Variants in MEGF8 observed in about 807,000 individuals in gnomAD.
MEGF8 encodes multiple EGF like domains 8.
In MEGF8, 156 loss-of-function variants were observed where a neutral mutation model predicts 302.9. The ratio of observed to expected loss-of-function variants is 0.52; its 90% confidence interval spans 0.45 to 0.59. The LOEUF (loss-of-function observed/expected upper bound fraction) is 0.59, where lower values mean the gene tolerates loss of function less well. MEGF8 is among the 20% of genes least tolerant of loss of function. The pLI, the probability that MEGF8 is intolerant of heterozygous loss-of-function variation, is 0.00. For missense variants in MEGF8, 3,345 were observed against 3,964.5 expected (o/e 0.84, Z 4.20); for synonymous variants, 1,621 against 1,660.5 (o/e 0.98, Z 0.58).
chr19:42,355,537 G>C (rs550476437), intron 23 of MEGF8, among the ~76,000 whole-genome samples: 9 of 152,248 alleles, frequency 5.9e-5, no homozygotes, highest in African/African-American at 2.2e-4. Context: ...TTGGATAGCA[G>C]CTCAGGAGGT....
chr19:42,326,368 G>A lies in MEGF8; in HGVS notation c.125G>A (p.Gly42Asp). 1 of 1,588,944 alleles carries A rather than the reference G, an allele frequency of 6.3e-7. No homozygotes were observed. The highest frequency in any genetic ancestry group is 8.5e-7 in the Non-Finnish European group (1 of 1,170,284). Residue 42 changes from glycine to aspartate, a missense_variant, in exon 1 of 42, where the codon GGC (glycine) becomes GAC (aspartate). Coordinates refer to ENST00000251268, the MANE Select transcript of MEGF8 (RefSeq NM_001271938.2). The stretch of plus-strand genomic sequence containing the variant: ...CGGCAGGTGCTGCGGGAGGCGCCAG[G>A]CTTCGTGACGGATGGTGCGGGCAAC... ...GQRQVLREAP[G>D]FVTDGAGNYS...
Position 42,358,994 on chromosome 19 carries a change from G to C in MEGF8, c.5343+40G>C, listed in dbSNP as rs375016344. The C allele has an allele frequency of 2.0e-4, 320 of 1,590,312 alleles. 1 individual carries two copies. Among genetic ancestry groups the C allele is most frequent in the Middle Eastern group, 5.2e-4 (3 of 5,738 alleles). ...GGGTTAGGATTGGGTGGGCTGGTAGGGGGGGATAGGTAGGGAAGTACAGGG... is the reference window on the plus strand; with the variant it reads ...GGGTTAGGATTGGGTGGGCTGGTAGCGGGGGATAGGTAGGGAAGTACAGGG... On this transcript the variant is annotated intron_variant, in intron 30 of 41. Transcript: ENST00000251268. This position sits in a 1 kb window ranked among gnomAD's most constrained non-coding sequence, Gnocchi z 4.4.
chr19:42,373,890 A>C (rs1412394518), intron 41 of MEGF8, among the ~76,000 whole-genome samples: 1 of 151,742 alleles, frequency 6.6e-6, no homozygotes, highest in African/African-American at 2.4e-5. Flanking sequence ...TTTTAAAAAA[A>C]TTTTAAAGAC....
chr19:42,375,511 C>A lies in MEGF8; in HGVS notation c.7274C>A (p.Ala2425Asp). ...CGCCTCTAACCCTGCCCGCAGTGCG[C>A]CAAGTGCCGGGAATCATTTCACGGG... ...DRRDCYKYQC[A>D]KCRESFHGSP... Residue 2425 changes from alanine (A) to aspartate (D), a missense_variant, in exon 42 of 42, where the codon GCC becomes GAC. Transcript: ENST00000251268. The surrounding 1 kb of genome is among the most constrained non-coding windows in gnomAD (Gnocchi z 7.1). 1 of 1,579,992 alleles carries A rather than the reference C, an allele frequency of 6.3e-7. No homozygotes were observed. Among genetic ancestry groups the A allele is most frequent in the Admixed American group, 1.8e-5 (1 of 54,936 alleles).
At position 42,356,452 on chromosome 19, in the gene MEGF8, A is replaced by G; in HGVS notation, c.4621A>G (p.Arg1541Gly). Residue 1541 changes from arginine (R) to glycine (G), a missense_variant and splice_region_variant, in exon 26 of 42, where the codon AGG (arginine) becomes GGG (glycine). By Grantham distance (125) the Arg-to-Gly change is moderately radical. Coordinates refer to ENST00000251268, the MANE Select transcript of MEGF8 (RefSeq NM_001271938.2). This position sits in a 1 kb window ranked among gnomAD's most constrained non-coding sequence, Gnocchi z 5.2. Reference protein sequence around the residue: ...LPQGLLGNLYRYSVSERRWTQ... With the variant: ...LPQGLLGNLYGYSVSERRWTQ... ...CCAGGGGCTGCTGGGAAACCTGTAC[A>G]GGTGAGGACTGCCCTGGGCAGGTGG... is the stretch of plus-strand genomic sequence containing the variant. 1 of 1,592,212 alleles carries G rather than the reference A, an allele frequency of 6.3e-7. No homozygotes were observed. The highest frequency in any genetic ancestry group is 8.5e-7 in the Non-Finnish European group (1 of 1,170,788).
At position 42,358,804 on chromosome 19, in the gene MEGF8, T is replaced by C. The variant is rs2147489885; in HGVS notation, c.5193T>C (p.Asn1731=). 1.3e-6 allele frequency: 2 copies of C among 1,570,372 alleles called. No homozygotes were observed. Among genetic ancestry groups the C allele is most frequent in the East Asian group, 4.5e-5 (2 of 44,364 alleles). The change falls in exon 30 of 42, where the codon AAT becomes AAC. Residue 1731 remains asparagine (N), a synonymous_variant. Coordinates refer to ENST00000251268, the MANE Select transcript of MEGF8 (RefSeq NM_001271938.2). The surrounding 1 kb of genome is among the most constrained non-coding windows in gnomAD (Gnocchi z 4.4). ...GTCACTAGCGAGATCGTATGAGGAATGTGCGTGGCTCATCTCGGGGTCTGG... is the reference window on the plus strand; with the variant it reads ...GTCACTAGCGAGATCGTATGAGGAACGTGCGTGGCTCATCTCGGGGTCTGG... ...SQGAKRDRMR[N]VRGSSRGLGQ... is the part of the protein sequence containing the mutation.
intron 8 of MEGF8, among the ~76,000 whole-genome samples, 184 bp from the exon 9 acceptor site, chr19:42,343,293 G>A (rs2039240389): frequency 6.6e-6 from 1 of 152,154 alleles, no homozygotes; most frequent in Admixed American, 6.5e-5. Flanking sequence ...AAGATGATTT[G>A]GGTAGGGGCG....
intron 1 of MEGF8, among the ~76,000 whole-genome samples, chr19:42,330,150 C>A (rs1220783311): frequency 6.6e-6 from 1 of 152,132 alleles, no homozygotes; most frequent in Non-Finnish European, 1.5e-5. Flanking sequence ...TCTATGTTGG[C>A]CAGGCTGGTC....
At position 42,362,953 on chromosome 19, in the gene MEGF8, G is replaced by A. The variant is rs2039554314; in HGVS notation, c.6059-95G>A. On this transcript the variant is annotated intron_variant, in intron 34 of 41. Coordinates refer to ENST00000251268, the MANE Select transcript of MEGF8 (RefSeq NM_001271938.2). ...GGGCTGGATTCCTGGGTTAAGGGAG[G>A]AGGGGCTGGGCCTGAGCTCCTGGGT... 4.4e-5 allele frequency: 47 copies of A among 1,058,998 alleles called. 1 individual carries two copies. The South Asian group carries it at 6.6e-4, about 15-fold the overall frequency. 65.6% of individuals were successfully genotyped at this position (1,058,998 alleles called of 1,614,324 possible). A position where few individuals can be genotyped will look rare whatever the true frequency, so the allele number is the denominator to read the frequency against.
At position 42,350,380 on chromosome 19, in the gene MEGF8, C is replaced by T. The variant is rs2039351015; in HGVS notation, c.2732C>T (p.Thr911Ile). The stretch of plus-strand genomic sequence containing the variant: ...GAGCATCGGGACTGCCACGCCTGCA[C>T]CCAGGTGCCTGTGGGGCCACCAGGG... Reference protein sequence around the residue: ...CEEHRDCHACTQDPFCEWHQS... With the variant: ...CEEHRDCHACIQDPFCEWHQS... Residue 911 changes from threonine (T) to isoleucine (I), a missense_variant, in exon 15 of 42, where the codon ACC becomes ATC. By Grantham distance (89) the Thr-to-Ile change is moderately conservative. Coordinates refer to ENST00000251268, the MANE Select transcript of MEGF8 (RefSeq NM_001271938.2). 2 of 1,537,360 alleles carry T rather than the reference C, an allele frequency of 1.3e-6. No homozygotes were observed. Among genetic ancestry groups the T allele is most frequent in the Non-Finnish European group, 1.8e-6 (2 of 1,142,640 alleles).
At position 42,356,495 on chromosome 19, in the gene MEGF8, A is replaced by C. The variant is rs757735429; in HGVS notation, c.4622+42A>C. 12 of 1,466,202 alleles carry C rather than the reference A, an allele frequency of 8.2e-6. No homozygotes were observed. The Admixed American group carries it at 2.6e-4, about 32-fold the overall frequency. The allele number at this position is 1,466,202 out of a possible 1,614,324, so 90.8% of individuals were successfully genotyped here. On this transcript the variant is annotated intron_variant, in intron 26 of 41. Transcript: ENST00000251268. This position sits in a 1 kb window ranked among gnomAD's most constrained non-coding sequence, Gnocchi z 5.2. ...GCAGGTGGGATTCGCAAATAAGAGA[A>C]GGTCACCTCGGGATGCTAAGAGTCA...
intron 32 of MEGF8, among the ~76,000 whole-genome samples, chr19:42,361,350 G>T (rs1483652981): frequency 6.6e-6 from 1 of 152,208 alleles, no homozygotes; most frequent in Non-Finnish European, 1.5e-5. Context: ...GCTCTGTCCA[G>T]CTCCACAGAT....
rs2039468849 is a variant in MEGF8, at chr19:42,357,462, G to C, written c.4889G>C (p.Gly1630Ala). 1 of 1,613,782 alleles carries C rather than the reference G, an allele frequency of 6.2e-7. No individual in the cohort carries two copies. Among genetic ancestry groups the C allele is most frequent in the African/African-American group, 1.3e-5 (1 of 75,032 alleles). The change falls in exon 28 of 42, where the codon GGC (glycine) becomes GCC (alanine). Residue 1630 changes from glycine (G) to alanine (A), a missense_variant. Gly to Ala is a moderately conservative substitution (Grantham distance 60). Coordinates refer to ENST00000251268, the MANE Select transcript of MEGF8 (RefSeq NM_001271938.2). This position sits in a 1 kb window ranked among gnomAD's most constrained non-coding sequence, Gnocchi z 5.2. The part of the protein sequence containing the change: ...VAGHTLTARR[G>A]LSLLLVGGYS... Reference sequence around the variant, plus strand: ...GGTCACACCCTTACTGCCCGCCGAGGCCTGTCTCTGCTCCTGGTGGGCGGT... The same window carrying C: ...GGTCACACCCTTACTGCCCGCCGAGCCCTGTCTCTGCTCCTGGTGGGCGGT...
chr19:42,367,177 T>G lies in MEGF8; in HGVS notation c.6274-1278T>G, dbSNP rs562782872. On this transcript the variant is annotated intron_variant, in intron 35 of 41. Transcript: ENST00000251268. ...GGTCCTGACATACAAATATGGCTTG[T>G]GAGTTGCTACCCAGCCCCTAACCAA... is the stretch of plus-strand genomic sequence containing the variant. Among the ~76,000 whole-genome samples the G allele has an allele frequency of 4.6e-5, 7 of 152,316 alleles. No homozygotes were observed. In the East Asian group the frequency reaches 1.3e-3, roughly 29 times the overall value.
intron 15 of MEGF8, among the ~76,000 whole-genome samples, chr19:42,350,827 C>A (rs952302818): frequency 2.6e-5 from 4 of 152,166 alleles, no homozygotes; most frequent in Admixed American, 1.3e-4. Context: ...TCTCTCCCCC[C>A]ACCCCACCAC....
chr19:42,364,063 G>A (rs2039570539), intron 35 of MEGF8, among the ~76,000 whole-genome samples: 1 of 152,206 alleles, frequency 6.6e-6, no homozygotes, highest in Non-Finnish European at 1.5e-5. Flanking sequence ...GGAGGGCTAG[G>A]AGCACGTGGT....
At chr19:42,333,550 A>G in intron 1 of MEGF8, 55 bp from the exon 2 acceptor site, 1 of 1,546,552 alleles carries the variant, frequency 6.5e-7, no homozygotes, top group Non-Finnish European at 8.8e-7. Context: ...GGCTGCAGGG[A>G]GGTGTGGGGA....
chr19:42,371,308 T>C (rs368504743), intron 40 of MEGF8, 42 bp from the exon 41 acceptor site: 21 of 1,608,204 alleles, frequency 1.3e-5, no homozygotes, highest in Non-Finnish European at 1.7e-5. Flanking sequence ...CCTGGACCAC[T>C]GCAGGCCATG....
rs1026332593 is a variant in MEGF8 at position 42,356,220 on chromosome 19, G to A, written c.4503+27G>A. 1.3e-6 allele frequency: 2 copies of A among 1,516,924 alleles called. No homozygotes were observed. The highest frequency in any genetic ancestry group is 2.5e-5 in the South Asian group (2 of 78,548). The allele number at this position is 1,516,924 out of a possible 1,614,324, so 94.0% of individuals were successfully genotyped here. The stretch of plus-strand genomic sequence containing the variant: ...TGAGTTGTGGGTACCCGCTGTCTAG[G>A]GATGGTTGCTCCCAGGTCGTTCTCC... On this transcript the variant is annotated intron_variant, in intron 25 of 41. Transcript: ENST00000251268. The surrounding 1 kb of genome is among the most constrained non-coding windows in gnomAD (Gnocchi z 5.2).
Sources: allele counts gnomAD v4.1 joint callset (sites outside exome capture counted in the v4.1 genomes callset), GRCh38; gene constraint gnomAD v4.1.1; non-coding constraint Gnocchi (gnomAD v3.1); transcripts MANE v1.5; gene names NCBI Gene and HGNC (gene_info 2026-07-23, HGNC 2026-07-21).